The following AGAP1 variants were observed in gnomAD, a reference collection of about 807,000 sequenced individuals.
AGAP1 encodes the protein arf-GAP with GTPase, ANK repeat and PH domain-containing protein 1.
In AGAP1, 29 loss-of-function variants were observed where a neutral mutation model predicts 105.3. That is an observed-to-expected ratio of 0.28 (90% confidence interval 0.21 to 0.38). The LOEUF (loss-of-function observed/expected upper bound fraction) is 0.38, where lower values mean the gene tolerates loss of function less well. Among genes scored for constraint, AGAP1 ranks in the 10% least tolerant of loss-of-function variants. AGAP1 has a pLI of 1.00. For missense variants in AGAP1, 998 were observed against 1,165.1 expected, an observed-to-expected ratio of 0.86 and a Z score of 2.09; for synonymous variants, 509 against 485.9, an observed-to-expected ratio of 1.05 and a Z score of -0.63.
rs565633146 is a variant in AGAP1 at position 235,930,165 on chromosome 2, A to G, written c.1325-600A>G. On this transcript the variant is annotated intron_variant, in intron 11 of 17. Coordinates refer to ENST00000304032, the MANE Select transcript of AGAP1 (RefSeq NM_001037131.3). The surrounding 1 kb of genome is among the most constrained non-coding windows in gnomAD (Gnocchi z 7.9). ...TTTTTCATCACAGCCCCTGTGCTCT[A>G]TGAAGTCACGCAGGTTGTTTTTCCT... Among the ~76,000 whole-genome samples, 20 of 152,238 alleles carry G rather than the reference A, an allele frequency of 1.3e-4. No homozygotes were observed. Among genetic ancestry groups the G allele is most frequent in the African/African-American group, 4.6e-4 (19 of 41,590 alleles).
At chr2:236,057,437 A>T (rs1416464811) in intron 16 of AGAP1, among the ~76,000 whole-genome samples, 1 of 152,186 alleles carries the variant, frequency 6.6e-6, no homozygotes. Flanking sequence ...TCACACAGCC[A>T]TGATTCTAAA....
Position 236,104,637 on chromosome 2 carries a change from T to C in AGAP1, c.2115-15555T>C, listed in dbSNP as rs554443040. Among the ~76,000 whole-genome samples, 429 of 152,314 alleles carry C rather than the reference T, an allele frequency of 2.8e-3. 3 individuals carry two copies. Among genetic ancestry groups the C allele is most frequent in the Middle Eastern group, 0.01 (3 of 294 alleles). On this transcript the variant is annotated intron_variant, in intron 16 of 17. Transcript: ENST00000304032. The surrounding 1 kb of genome is among the most constrained non-coding windows in gnomAD (Gnocchi z 4.7). ...CAGGCGCGGTGGCTCATGCCTGTAATGCCAGCACTTTGGGAGGCCAAGGTG... is the reference window on the plus strand; with the variant it reads ...CAGGCGCGGTGGCTCATGCCTGTAACGCCAGCACTTTGGGAGGCCAAGGTG...
intron 1 of AGAP1, among the ~76,000 whole-genome samples, chr2:235,702,108 T>A (rs1455117884): frequency 6.6e-6 from 1 of 152,106 alleles, no homozygotes; most frequent in African/African-American, 2.4e-5. Flanking sequence ...TTGTCTGGAA[T>A]GCGTATTTGT....
rs1282883315 is a variant in AGAP1 at position 235,612,378 on chromosome 2, G to A, written c.164-96801G>A. 6.6e-6 allele frequency among the ~76,000 whole-genome samples: 1 copy of A among 152,144 alleles called. No homozygotes were observed. The highest frequency in any genetic ancestry group is 1.9e-4 in the East Asian group (1 of 5,176). On this transcript the variant is annotated intron_variant, in intron 1 of 17. Transcript: ENST00000304032. This position sits in a 1 kb window ranked among gnomAD's most constrained non-coding sequence, Gnocchi z 4.3. ...ATTTAATGTGTGTGCATAATCAGAGGGCAAGGACAGCAGTAAATAATTTAT... is the reference window on the plus strand; with the variant it reads ...ATTTAATGTGTGTGCATAATCAGAGAGCAAGGACAGCAGTAAATAATTTAT...
At chr2:235,699,021 G>A (rs527701492) in intron 1 of AGAP1, among the ~76,000 whole-genome samples, 1 of 152,222 alleles carries the variant, frequency 6.6e-6, no homozygotes, top group Non-Finnish European at 1.5e-5. Flanking sequence ...TGGCTGGTTG[G>A]TGGTGTAGGC....
At chr2:235,607,187 C>CT (rs386392960) in intron 1 of AGAP1, among the ~76,000 whole-genome samples, 2 of 76,134 alleles carry the variant, frequency 2.6e-5, no homozygotes, top group African/African-American at 1.2e-4. Context: ...AAATCCAGAG[C>CT]CCCCCCTTCC....
chr2:235,530,478 T>C (rs1259002393), intron 1 of AGAP1, among the ~76,000 whole-genome samples: 1 of 152,196 alleles, frequency 6.6e-6, no homozygotes, highest in Non-Finnish European at 1.5e-5. Flanking sequence ...GATCCTAATA[T>C]CAAGGTGTTG....
rs1014189737 is a variant in AGAP1 at position 235,551,480 on chromosome 2, T to G, written c.163+56631T>G. Among the ~76,000 whole-genome samples, 2 of 151,790 alleles carry G rather than the reference T, an allele frequency of 1.3e-5. No homozygotes were observed. The highest frequency in any genetic ancestry group is 2.4e-5 in the African/African-American group (1 of 41,298). ...AGCACCACACCTGGCTGATTTTTTT[T>G]GTAGAGACGGGTCGTCCAGTGATAC... On this transcript the variant is annotated intron_variant, in intron 1 of 17. Transcript: ENST00000304032. The surrounding 1 kb of genome is among the most constrained non-coding windows in gnomAD (Gnocchi z 4.8).
rs1242012377 is a variant in AGAP1, at chr2:235,571,999, CACACT to C, written c.163+77151_163+77155del. 2.7e-3 allele frequency among the ~76,000 whole-genome samples: 329 copies of C among 120,088 alleles called. 1 individual carries two copies. The highest frequency in any genetic ancestry group is 0.01 in the African/African-American group (284 of 27,326). The allele number at this position is 120,088 out of a possible 152,430, so 78.8% of individuals were successfully genotyped here. A position where few individuals can be genotyped will look rare whatever the true frequency, so the allele number is the denominator to read the frequency against. ...ATACACACACACACACACACACACA[CACACT>C]TTTTTTTTTTTTTTTTGAAGCAGCT... On this transcript the variant is annotated intron_variant, in intron 1 of 17. Coordinates refer to ENST00000304032, the MANE Select transcript of AGAP1 (RefSeq NM_001037131.3).
At chr2:235,671,239 C>T (rs1477964864) in intron 1 of AGAP1, among the ~76,000 whole-genome samples, 2 of 152,202 alleles carry the variant, frequency 1.3e-5, no homozygotes, top group African/African-American at 4.8e-5. Flanking sequence ...TCTGGCTGCC[C>T]CTGCGCCTGG....
rs954941775 is a variant in AGAP1, at chr2:235,953,051, T to C, written c.1484-15411T>C. 1.3e-5 allele frequency among the ~76,000 whole-genome samples: 2 copies of C among 152,216 alleles called. No homozygotes were observed. Among genetic ancestry groups the C allele is most frequent in the Admixed American group, 6.5e-5 (1 of 15,282 alleles). ...CTGTACGAGGCACCTGACACCACGA[T>C]GCTATCACCATCCTCGCTGACTGGG... On this transcript the variant is annotated intron_variant, in intron 12 of 17. Transcript: ENST00000304032. The surrounding 1 kb of genome is among the most constrained non-coding windows in gnomAD (Gnocchi z 5.2).
rs532501937 is a variant in AGAP1, at chr2:235,647,108, G to A, written c.164-62071G>A. 9.4e-5 allele frequency among the ~76,000 whole-genome samples: 13 copies of A among 138,032 alleles called. No homozygotes were observed. In the South Asian group the frequency reaches 1.1e-3, roughly 12 times the overall value. The allele number at this position is 138,032 out of a possible 152,430, so 90.6% of individuals were successfully genotyped here. A position where few individuals can be genotyped will look rare whatever the true frequency, so the allele number is the denominator to read the frequency against. On this transcript the variant is annotated intron_variant, in intron 1 of 17. Coordinates refer to ENST00000304032, the MANE Select transcript of AGAP1 (RefSeq NM_001037131.3). ...CCGAGATTGCGCCACTGCACCACCC[G>A]AGACTCCGTCTCAAAAAAAAAAAAA...
chr2:235,888,172 C>T lies in AGAP1; in HGVS notation c.1155+4723C>T, dbSNP rs77892798. 7.5e-3 allele frequency among the ~76,000 whole-genome samples: 1,145 copies of T among 152,116 alleles called. 26 individuals carry two copies. The South Asian group carries it at 0.087, about 12-fold the overall frequency. On this transcript the variant is annotated intron_variant, in intron 10 of 17. Coordinates refer to ENST00000304032, the MANE Select transcript of AGAP1 (RefSeq NM_001037131.3). This position sits in a 1 kb window ranked among gnomAD's most constrained non-coding sequence, Gnocchi z 4.8. Reference sequence around the variant, plus strand: ...AGTAAACAACTGAGTCAAGTTTAAACGGAATAGGCCAATGTGGTTATGGGC... The same window carrying T: ...AGTAAACAACTGAGTCAAGTTTAAATGGAATAGGCCAATGTGGTTATGGGC...
Position 236,040,817 on chromosome 2 carries a change from C to T in AGAP1, c.1867C>T (p.His623Tyr). The change falls in exon 15 of 18, where the codon CAC becomes TAC. Residue 623 changes from histidine to tyrosine, a missense_variant. By Grantham distance (83) the His-to-Tyr change is moderately conservative (BLOSUM62 2). Transcript: ENST00000304032. This position sits in a 1 kb window ranked among gnomAD's most constrained non-coding sequence, Gnocchi z 5.6. ...QSIRNMRGNSHCVDCETQNPN... is the reference protein window; with the variant it reads ...QSIRNMRGNSYCVDCETQNPN... ...GATCCGGAACATGCGCGGGAACTCC[C>T]ACTGTGTGGACTGCGAGACCCAGAG... 6.2e-7 allele frequency: 1 copy of T among 1,614,214 alleles called. No homozygotes were observed. The highest frequency in any genetic ancestry group is 8.5e-7 in the Non-Finnish European group (1 of 1,180,050).
Position 235,843,077 on chromosome 2 carries a change from GA to G in AGAP1, c.1050+35748del, listed in dbSNP as rs1307016234. ...GGACACGGGTCTTCATAATGAAACAGAAGTGCTCATTGTCCTGTTGCCACCC... is the reference window on the plus strand; with the variant it reads ...GGACACGGGTCTTCATAATGAAACAGAGTGCTCATTGTCCTGTTGCCACCC... On this transcript the variant is annotated intron_variant, in intron 9 of 17. Coordinates refer to ENST00000304032, the MANE Select transcript of AGAP1 (RefSeq NM_001037131.3). The surrounding 1 kb of genome is among the most constrained non-coding windows in gnomAD (Gnocchi z 5.9). 1.3e-5 allele frequency among the ~76,000 whole-genome samples: 2 copies of G among 152,172 alleles called. No homozygotes were observed. Among genetic ancestry groups the G allele is most frequent in the African/African-American group, 4.8e-5 (2 of 41,448 alleles).
chr2:235,794,405 T>C (rs1347920259), intron 6 of AGAP1, among the ~76,000 whole-genome samples: 1 of 152,198 alleles, frequency 6.6e-6, no homozygotes, highest in African/African-American at 2.4e-5. Flanking sequence ...GACAGAGTCA[T>C]AGGGAAGTGT....
chr2:235,530,954 C>T (rs774645288), intron 1 of AGAP1, among the ~76,000 whole-genome samples: 2 of 152,156 alleles, frequency 1.3e-5, no homozygotes, highest in Non-Finnish European at 2.9e-5. Flanking sequence ...GGGGCTGAGC[C>T]AGTCAACACC....
Position 235,759,208 on chromosome 2 carries a change from A to G in AGAP1, c.673+8720A>G, listed in dbSNP as rs140555039. Among the ~76,000 whole-genome samples, 119 of 128,572 alleles carry G rather than the reference A, an allele frequency of 9.3e-4. No homozygotes were observed. The East Asian group carries it at 0.013, about 14-fold the overall frequency. The allele number at this position is 128,572 out of a possible 152,430, so 84.3% of individuals were successfully genotyped here. A position where few individuals can be genotyped will look rare whatever the true frequency, so the allele number is the denominator to read the frequency against. ...TTTTGAGATGGAGTCTCGCTCTGTC[A>G]CCCAGGCTGGACTGCAGTGGTGTGA... On this transcript the variant is annotated intron_variant, in intron 6 of 17. Coordinates refer to ENST00000304032, the MANE Select transcript of AGAP1 (RefSeq NM_001037131.3).
chr2:235,705,797 T>G lies in AGAP1; in HGVS notation c.164-3382T>G, dbSNP rs1950506079. Among the ~76,000 whole-genome samples, 1 of 152,242 alleles carries G rather than the reference T, an allele frequency of 6.6e-6. No individual in the cohort carries two copies. The highest frequency in any genetic ancestry group is 2.4e-5 in the African/African-American group (1 of 41,458). ...ATGTTCCATTCAAGTGAGGATGTATTTGCAAGTAAAAAGATGCTTCACATT... is the reference window on the plus strand; with the variant it reads ...ATGTTCCATTCAAGTGAGGATGTATGTGCAAGTAAAAAGATGCTTCACATT... On this transcript the variant is annotated intron_variant, in intron 1 of 17. Transcript: ENST00000304032. This position sits in a 1 kb window ranked among gnomAD's most constrained non-coding sequence, Gnocchi z 4.9.
Sources: gnomAD v4.1 joint callset for allele counts (sites outside exome capture counted in the v4.1 genomes callset) on GRCh38, gnomAD v4.1.1 for gene constraint, Gnocchi (gnomAD v3.1) non-coding constraint, MANE v1.5 for transcripts, NCBI Gene and HGNC (gene_info 2026-07-23, HGNC 2026-07-21) for gene names.